ANKRD40CL: variants seen among roughly 807,000 people sequenced by gnomAD.
ANKRD40CL encodes ANKRD40 C-terminal like.
For synonymous variants in ANKRD40CL, 5 were observed against 2.3 expected (o/e 2.14, Z -1.04); for missense variants, 11 against 6.4 (o/e 1.71, Z -0.77).
At chr17:50,762,206 A>G (rs1391864894) in intron 3 of ANKRD40CL, among the ~76,000 whole-genome samples, 1 of 152,108 alleles carries the variant, frequency 6.6e-6, no homozygotes, top group Non-Finnish European at 1.5e-5. Flanking sequence ...CAAGCATGAG[A>G]CACCACACCC....
rs2143139571 is a variant in ANKRD40CL at position 50,761,865 on chromosome 17, T to C, written c.202-359A>G. Among the ~76,000 whole-genome samples the C allele has an allele frequency of 2.0e-5, 3 of 152,190 alleles. No individual in the cohort carries two copies. The East Asian group carries it at 5.8e-4, about 29-fold the overall frequency. On this transcript the variant is annotated intron_variant, in intron 3 of 3. Transcript: ENST00000450727. Reference sequence around the variant, plus strand: ...CTTGAACTCCTGACTTCAGGTGATCTGCCCACCTGGGCCTCCCAAAATGCT... The same window carrying C: ...CTTGAACTCCTGACTTCAGGTGATCCGCCCACCTGGGCCTCCCAAAATGCT...
chr17:50,767,179 T>TC (rs1971340594), intron 1 of ANKRD40CL, 168 bp from the exon 2 acceptor site: 1 of 640,486 alleles, frequency 1.6e-6, no homozygotes, highest in Admixed American at 2.1e-5. Context: ...TCTCAGGCTG[T>TC]CCCCACTGGA....
intron 2 of ANKRD40CL, chr17:50,764,106 T>C: frequency 2.5e-6 from 1 of 398,628 alleles, no homozygotes; most frequent in Non-Finnish European, 4.4e-6. Context: ...AAAGTCCAAA[T>C]GGAAAGCAGA....
chr17:50,767,076 A>T (rs1409582981), intron 1 of ANKRD40CL, 65 bp from the exon 2 acceptor site: 2 of 690,772 alleles, frequency 2.9e-6, no homozygotes, highest in South Asian at 3.0e-5. Flanking sequence ...TTTTTATTTT[A>T]TAGATAGGGA....
At chr17:50,763,772 C>A (rs1971248047) in intron 2 of ANKRD40CL, 1 of 386,318 alleles carries the variant, frequency 2.6e-6, no homozygotes, top group Non-Finnish European at 4.6e-6. Flanking sequence ...GATGTATGCC[C>A]CCATTATATC....
intron 2 of ANKRD40CL, chr17:50,766,660 G>A: frequency 2.1e-6 from 1 of 480,518 alleles, no homozygotes; most frequent in Non-Finnish European, 3.6e-6. Flanking sequence ...ACCAGTAATT[G>A]CTGGCTGCTA....
At chr17:50,763,844 T>C in intron 2 of ANKRD40CL, 1 of 370,628 alleles carries the variant, frequency 2.7e-6, no homozygotes, top group Non-Finnish European at 4.8e-6. Context: ...GCAATGGATA[T>C]TTAAACACAT....
chr17:50,765,735 C>A (rs1232313922), intron 2 of ANKRD40CL, among the ~76,000 whole-genome samples: 1 of 152,162 alleles, frequency 6.6e-6, no homozygotes, highest in Non-Finnish European at 1.5e-5. Flanking sequence ...GTGAGAGTGT[C>A]CAGGGCTGCC....
rs540686197 is a variant in ANKRD40CL at position 50,766,764 on chromosome 17, G to A, written c.40+110C>T. 60 of 578,840 alleles carry A rather than the reference G, an allele frequency of 1.0e-4. 2 individuals carry two copies. The highest frequency in any genetic ancestry group is 6.1e-4 in the African/African-American group (28 of 45,766). The allele number at this position is 578,840 out of a possible 1,614,324, so 35.9% of individuals were successfully genotyped here. ...TTCACTACCCCACTGGCAGAGTGGC[G>A]GAGGCCACAGGGCACTGCTGGCCAC... On this transcript the variant is annotated intron_variant, in intron 2 of 3. Coordinates refer to ENST00000450727, the MANE Select transcript of ANKRD40CL (RefSeq NM_001358683.3).
At chr17:50,763,995 C>G in intron 2 of ANKRD40CL, 1 of 395,110 alleles carries the variant, frequency 2.5e-6, no homozygotes, top group Non-Finnish European at 4.5e-6. Context: ...GATTCCTACC[C>G]ACCACCCCCA....
intron 3 of ANKRD40CL, among the ~76,000 whole-genome samples, chr17:50,762,414 C>CA (rs1302198447): frequency 2.0e-5 from 3 of 151,434 alleles, no homozygotes; most frequent in Non-Finnish European, 4.4e-5. Flanking sequence ...AGACCCATTT[C>CA]AAAAAAAAGA....
rs1971239037 is a variant in ANKRD40CL at position 50,763,428 on chromosome 17, ATCT to A, written c.167_169del (p.Lys56del). 1.3e-5 allele frequency: 5 copies of A among 398,894 alleles called. No individual in the cohort carries two copies. The highest frequency in any genetic ancestry group is 1.8e-5 in the Non-Finnish European group (4 of 226,096). 24.7% of individuals were successfully genotyped at this position (398,894 alleles called of 1,614,324 possible). A position where few individuals can be genotyped will look rare whatever the true frequency, so the allele number is the denominator to read the frequency against. On this transcript the variant is annotated inframe_deletion, in exon 3 of 4. Transcript: ENST00000450727. ...GAGCAGTGTGTTTGGTAGCTTTCTG[ATCT>A]TCTCCACTCGTTCTGGTTTAATCCC...
chr17:50,766,960 C>T lies in ANKRD40CL; in HGVS notation c.-47G>A. On this transcript the variant is annotated 5_prime_UTR_variant, in exon 2 of 4. Coordinates refer to ENST00000450727, the MANE Select transcript of ANKRD40CL (RefSeq NM_001358683.3). ...ATGTGCAGCCCCTCTCGCATTTATG[C>T]ACAAGCTCCCAACCAAATAAAAAGC... 1 of 702,358 alleles carries T rather than the reference C, an allele frequency of 1.4e-6. No homozygotes were observed. The highest frequency in any genetic ancestry group is 2.7e-5 in the East Asian group (1 of 37,294). 43.5% of individuals were successfully genotyped at this position (702,358 alleles called of 1,614,324 possible).
chr17:50,761,667 C>T (rs574825367), intron 3 of ANKRD40CL, among the ~76,000 whole-genome samples, 161 bp from the exon 4 acceptor site: 112 of 152,110 alleles, frequency 7.4e-4, no homozygotes, highest in Admixed American at 1.6e-3. Flanking sequence ...GGCAATGATG[C>T]GATCTTGGCT....
At chr17:50,767,318 AG>A (rs1272399932) in intron 1 of ANKRD40CL, 144 bp downstream of exon 1, 1 of 391,232 alleles carries the variant, frequency 2.6e-6, no homozygotes, top group Non-Finnish European at 4.9e-6. Context: ...AAAGGTTGGT[AG>A]CTTCTACACC....
chr17:50,764,051 A>G (rs1971254200), intron 2 of ANKRD40CL: 1 of 397,614 alleles, frequency 2.5e-6, no homozygotes, highest in South Asian at 1.3e-4. Context: ...GGACAGTGGC[A>G]TTGTATTCCA....
chr17:50,761,139 A>T lies in ANKRD40CL; in HGVS notation c.*224T>A, dbSNP rs1971194079. 1 of 253,000 alleles carries T rather than the reference A, an allele frequency of 4.0e-6. No homozygotes were observed. 15.7% of individuals were successfully genotyped at this position (253,000 alleles called of 1,614,324 possible). Reference sequence around the variant, plus strand: ...ACTGCAACCTCTGCCTCCTGGGTTCAGGTGATTCTCCTGCCTCAGCTTCCC... The same window carrying T: ...ACTGCAACCTCTGCCTCCTGGGTTCTGGTGATTCTCCTGCCTCAGCTTCCC... On this transcript the variant is annotated 3_prime_UTR_variant, in exon 4 of 4. Coordinates refer to ENST00000450727, the MANE Select transcript of ANKRD40CL (RefSeq NM_001358683.3).
chr17:50,767,495 C>T lies in ANKRD40CL; in HGVS notation c.-131G>A, dbSNP rs545248905. 1 of 240,272 alleles carries T rather than the reference C, an allele frequency of 4.2e-6. No homozygotes were observed. The highest frequency in any genetic ancestry group is 1.0e-4 in the East Asian group (1 of 9,738). 14.9% of individuals were successfully genotyped at this position (240,272 alleles called of 1,614,324 possible). On this transcript the variant is annotated 5_prime_UTR_variant, in exon 1 of 4. Transcript: ENST00000450727. Reference sequence around the variant, plus strand: ...AATGACCTTGGTGATGATCCTGGATCCCCTGATTCTAGACATCAAAATGGA... The same window carrying T: ...AATGACCTTGGTGATGATCCTGGATTCCCTGATTCTAGACATCAAAATGGA...
intron 2 of ANKRD40CL, among the ~76,000 whole-genome samples, chr17:50,765,658 A>C (rs1278209211): frequency 6.6e-6 from 1 of 152,236 alleles, no homozygotes; most frequent in African/African-American, 2.4e-5. Flanking sequence ...AACCCAGGGC[A>C]AATGGGTGAC....
Sources: gnomAD v4.1 joint callset for allele counts (sites outside exome capture counted in the v4.1 genomes callset) on GRCh38, gnomAD v4.1.1 for gene constraint, MANE v1.5 for transcripts, NCBI Gene and HGNC (gene_info 2026-07-23, HGNC 2026-07-21) for gene names.